NRXN3: variants seen among roughly 807,000 people sequenced by gnomAD.
NRXN3 encodes the protein neurexin 3.
Under a neutral mutation model 137.6 loss-of-function variants are expected in NRXN3, and 32 were observed. That is an observed-to-expected ratio of 0.23 (90% CI 0.18 to 0.31). The LOEUF is 0.31. Among genes scored for constraint, NRXN3 ranks in the 10% least tolerant of loss-of-function variants. The pLI is 1.00. For missense variants in NRXN3, 1,574 were observed against 2,062.5 expected (o/e 0.76, Z 4.59); for synonymous variants, 798 against 784.5 (o/e 1.02, Z -0.29).
At chr14:79,474,943 C>T (rs998531738) in intron 16 of NRXN3, among the ~76,000 whole-genome samples, 1 of 152,026 alleles carries the variant, frequency 6.6e-6, no homozygotes, top group African/African-American at 2.4e-5. Context: ...GAAAGCAAAA[C>T]CTTTCTAGAT....
intron 10 of NRXN3, among the ~76,000 whole-genome samples, chr14:78,839,342 G>A (rs1366247000): frequency 1.3e-5 from 2 of 152,196 alleles, no homozygotes; most frequent in Non-Finnish European, 2.9e-5. Flanking sequence ...GATGAGCTTA[G>A]AGAGTGTGGA....
chr14:79,025,399 C>T (rs1319262632), intron 15 of NRXN3, among the ~76,000 whole-genome samples: 1 of 152,130 alleles, frequency 6.6e-6, no homozygotes, highest in Non-Finnish European at 1.5e-5. Context: ...TATAATCTCC[C>T]CCACTTTATT....
chr14:78,301,741 A>G (rs905460241), intron 4 of NRXN3, among the ~76,000 whole-genome samples: 1 of 152,268 alleles, frequency 6.6e-6, no homozygotes, highest in Non-Finnish European at 1.5e-5. Flanking sequence ...GAAAACATGG[A>G]TTCAGTGACA....
At chr14:79,860,319 C>T (rs985435593) in intron 20 of NRXN3, among the ~76,000 whole-genome samples, 4 of 152,176 alleles carry the variant, frequency 2.6e-5, no homozygotes, top group Non-Finnish European at 5.9e-5. Flanking sequence ...ATATTGCATA[C>T]AGCATGAAAG....
intron 15 of NRXN3, among the ~76,000 whole-genome samples, chr14:79,059,368 C>T (rs568570151): frequency 6.6e-5 from 10 of 150,688 alleles, no homozygotes; most frequent in African/African-American, 2.4e-4. Context: ...TGCCATTCTC[C>T]TGCCTCAGCC....
chr14:78,935,616 A>G (rs2099335293), intron 10 of NRXN3, among the ~76,000 whole-genome samples: 1 of 152,208 alleles, frequency 6.6e-6, no homozygotes, highest in Non-Finnish European at 1.5e-5. Context: ...TGTTTAGTAC[A>G]GAGGCAAGGT....
At chr14:79,827,253 G>A (rs542789067) in intron 20 of NRXN3, among the ~76,000 whole-genome samples, 1 of 152,062 alleles carries the variant, frequency 6.6e-6, no homozygotes, top group Non-Finnish European at 1.5e-5. Context: ...GCAGGGGTGG[G>A]TGCTAGGAAT....
In NRXN3 at chr14:79,250,283, A is replaced by G. The variant is rs138606038; in HGVS notation, c.3263-216938A>G. Among the ~76,000 whole-genome samples the G allele has an allele frequency of 2.6e-3, 397 of 152,274 alleles. 1 individual carries two copies. The highest frequency in any genetic ancestry group is 9.2e-3 in the African/African-American group (383 of 41,564). ...ACTAGGCAATGTGAAGGAGAGAAAT[A>G]TGATGTAGGCTTTGGGAACATGAAA... On this transcript the variant is annotated intron_variant, in intron 15 of 20. Coordinates refer to ENST00000335750, the MANE Select transcript of NRXN3 (RefSeq NM_001330195.2).
intron 15 of NRXN3, among the ~76,000 whole-genome samples, chr14:79,278,379 G>A (rs111572875): frequency 6.6e-6 from 1 of 152,174 alleles, no homozygotes; most frequent in African/African-American, 2.4e-5. Flanking sequence ...CAGTGTTACC[G>A]TGTCCTGGCA....
chr14:79,510,797 T>C (rs1349502649), intron 16 of NRXN3, among the ~76,000 whole-genome samples: 2 of 152,176 alleles, frequency 1.3e-5, no homozygotes, highest in African/African-American at 4.8e-5. Context: ...GAGAAATAAG[T>C]GCTGTTCCAG....
At chr14:79,593,563 A>G (rs11852184) in intron 16 of NRXN3, among the ~76,000 whole-genome samples, 51,286 of 149,324 alleles carry the variant, frequency 0.34, 9,372 homozygotes, top group Middle Eastern at 0.46. Flanking sequence ...CCCGGGAGGC[A>G]GAGCTTGCAG....
At chr14:79,475,915 GC>G (rs755574561) in intron 16 of NRXN3, among the ~76,000 whole-genome samples, 1 of 152,094 alleles carries the variant, frequency 6.6e-6, no homozygotes, top group South Asian at 2.1e-4. Flanking sequence ...AATAGCAGAA[GC>G]TTTTTAGATA....
chr14:78,700,862 C>T (rs1311836478), intron 6 of NRXN3, among the ~76,000 whole-genome samples: 1 of 152,002 alleles, frequency 6.6e-6, no homozygotes, highest in Non-Finnish European at 1.5e-5. Context: ...ATCTCTGCCA[C>T]CTGGGTTCAA....
chr14:78,782,414 A>G (rs1478334612), intron 8 of NRXN3, among the ~76,000 whole-genome samples: 2 of 152,208 alleles, frequency 1.3e-5, no homozygotes, highest in Non-Finnish European at 2.9e-5. Flanking sequence ...TACATCTTTG[A>G]TCATTCTTTT....
intron 4 of NRXN3, among the ~76,000 whole-genome samples, chr14:78,306,665 G>A (rs919856511): frequency 3.3e-5 from 5 of 152,114 alleles, no homozygotes; most frequent in Non-Finnish European, 7.4e-5. Context: ...TTATACTGGT[G>A]TATTGTGTTT....
At chr14:79,739,810 A>T (rs1163027186) in intron 19 of NRXN3, among the ~76,000 whole-genome samples, 1 of 152,102 alleles carries the variant, frequency 6.6e-6, no homozygotes, top group Non-Finnish European at 1.5e-5. Context: ...TATGTATCTT[A>T]CGTTATTTAC....
rs2099417907 is a variant in NRXN3 at position 79,865,866 on chromosome 14, T to G, written c.*3902T>G. On this transcript the variant is annotated 3_prime_UTR_variant, in exon 21 of 21. Transcript: ENST00000335750. ...TTGGCAAGGCTGGTCTCGAACTCCT[T>G]ACTTCAAGTGATCCACCCACCTTGG... The G allele has an allele frequency of 6.6e-6, 1 of 152,130 alleles. No homozygotes were observed. The highest frequency in any genetic ancestry group is 2.1e-4 in the South Asian group (1 of 4,824). The allele number at this position is 152,130 out of a possible 1,614,324, so 9.4% of individuals were successfully genotyped here. A position where few individuals can be genotyped will look rare whatever the true frequency, so the allele number is the denominator to read the frequency against.
At chr14:79,796,612 G>A (rs1364449622) in intron 19 of NRXN3, among the ~76,000 whole-genome samples, 4 of 152,096 alleles carry the variant, frequency 2.6e-5, no homozygotes, top group Middle Eastern at 3.2e-3. Flanking sequence ...CCCAATCCTC[G>A]GCACAAAATT....
chr14:78,725,430 C>T (rs2098478580), intron 8 of NRXN3, among the ~76,000 whole-genome samples: 1 of 152,236 alleles, frequency 6.6e-6, no homozygotes, highest in African/African-American at 2.4e-5. Context: ...GTCATCATTC[C>T]TGTAGTAGCT....
Sources: gnomAD v4.1 joint callset for allele counts (sites outside exome capture counted in the v4.1 genomes callset) on GRCh38, gnomAD v4.1.1 for gene constraint, MANE v1.5 for transcripts, NCBI Gene and HGNC (gene_info 2026-07-23, HGNC 2026-07-21) for gene names.